The following MRPL15 variants were observed in gnomAD, a reference collection of about 807,000 sequenced individuals.
The protein encoded by MRPL15 is large ribosomal subunit protein uL15m.
MRPL15 carries 24 observed loss-of-function variants against 28.0 expected under a neutral mutation model. That is an observed-to-expected ratio of 0.86 (90% CI 0.62 to 1.21). The LOEUF (loss-of-function observed/expected upper bound fraction) is 1.21, where lower values mean the gene tolerates loss of function less well. Among genes scored for constraint, MRPL15 ranks in the 50% most tolerant of loss-of-function variants. The pLI, the probability that MRPL15 is intolerant of heterozygous loss-of-function variation, is 0.00. For missense variants in MRPL15, 343 were observed against 372.4 expected (o/e 0.92, Z 0.65); for synonymous variants, 124 against 137.0 (o/e 0.90, Z 0.66).
chr8:54,147,696 C>A lies in MRPL15; in HGVS notation c.868C>A (p.Leu290Ile), dbSNP rs1450455013. 6.2e-7 allele frequency: 1 copy of A among 1,612,818 alleles called. No individual in the cohort carries two copies. The highest frequency in any genetic ancestry group is 1.7e-5 in the Admixed American group (1 of 59,786). The change falls in exon 5 of 5, where the codon CTC becomes ATC. Residue 290 changes from leucine (L) to isoleucine (I), a missense_variant. Leu to Ile is a conservative substitution (Grantham distance 5, BLOSUM62 2). Transcript: ENST00000260102. ...AATCCTAAAACCTACAGATGAAAAT[C>A]TCCTTAAGTATTATACCTCATGAAT... is the stretch of plus-strand genomic sequence containing the variant. ...KKILKPTDEN[L>I]LKYYTS
intron 4 of MRPL15, among the ~76,000 whole-genome samples, chr8:54,146,441 T>G (rs890224537): frequency 4.8e-5 from 7 of 144,806 alleles, no homozygotes; most frequent in Non-Finnish European, 7.5e-5. Flanking sequence ...AGCGAGACTT[T>G]GTCTCAAAAA....
chr8:54,142,401 C>T (rs1810944201), intron 3 of MRPL15, among the ~76,000 whole-genome samples: 1 of 152,156 alleles, frequency 6.6e-6, no homozygotes, highest in African/African-American at 2.4e-5. Flanking sequence ...GGTGATCCAC[C>T]TACCTTGGCC....
At chr8:54,139,916 T>C (rs1249987739) in intron 3 of MRPL15, among the ~76,000 whole-genome samples, 1 of 152,184 alleles carries the variant, frequency 6.6e-6, no homozygotes, top group Non-Finnish European at 1.5e-5. Flanking sequence ...ATGGATTGCT[T>C]AAAAATCACA....
intron 3 of MRPL15, among the ~76,000 whole-genome samples, chr8:54,138,379 C>T (rs753674215): frequency 1.0e-4 from 14 of 135,160 alleles, no homozygotes; most frequent in Non-Finnish European, 1.8e-4. Context: ...TACAATGGCG[C>T]GATCTCAGCT....
rs377066222 is a variant in MRPL15 at position 54,147,414 on chromosome 8, C to T, written c.586C>T (p.Arg196Cys). The T allele has an allele frequency of 1.2e-5, 19 of 1,612,170 alleles. No homozygotes were observed. In the East Asian group the frequency reaches 1.3e-4, roughly 11 times the overall value. ...ATGCAAACCTGTTCCATTCTTTCTT[C>T]GTGGACAACCCATTCCAAAAAGAAT... ...IVCKPVPFFL[R>C]GQPIPKRMLP... The change falls in exon 5 of 5, where the codon CGT becomes TGT. Residue 196 changes from arginine to cysteine, a missense_variant. By Grantham distance (180) the Arg-to-Cys change is radical. Transcript: ENST00000260102.
intron 4 of MRPL15, among the ~76,000 whole-genome samples, chr8:54,144,244 A>C (rs1052619107): frequency 6.6e-6 from 1 of 152,240 alleles, no homozygotes; most frequent in Non-Finnish European, 1.5e-5. Flanking sequence ...TTCAAGTTGC[A>C]GAGATGACAA....
Position 54,147,583 on chromosome 8 carries a change from T to C in MRPL15, c.755T>C (p.Leu252Pro). ...YILPDITKDE[L>P]FKMLCTRKDP... ...TTACCTGATATCACTAAAGATGAAC[T>C]CTTCAAAATGCTCTGTACTAGGAAG... Residue 252 changes from leucine to proline, a missense_variant, in exon 5 of 5, where the codon CTC becomes CCC. Physicochemically the swap from Leu to Pro is moderately conservative, Grantham distance 98 (BLOSUM62 -3). Coordinates refer to ENST00000260102, the MANE Select transcript of MRPL15 (RefSeq NM_014175.4). 6.2e-7 allele frequency: 1 copy of C among 1,614,194 alleles called. No homozygotes were observed.
chr8:54,137,840 T>C (rs1810854656), intron 3 of MRPL15, among the ~76,000 whole-genome samples: 2 of 152,202 alleles, frequency 1.3e-5, no homozygotes, highest in African/African-American at 4.8e-5. Flanking sequence ...TTTATAACTG[T>C]TATGTAGTGG....
chr8:54,140,564 A>G (rs1439970969), intron 3 of MRPL15, among the ~76,000 whole-genome samples: 3 of 103,150 alleles, frequency 2.9e-5, no homozygotes, highest in Non-Finnish European at 5.7e-5. Flanking sequence ...CTAGAACTAC[A>G]TTTTCTTTTC....
rs1563715474 is a variant in MRPL15 at position 54,137,324 on chromosome 8, TG to T, written c.323del (p.Gly108ValfsTer11). ...AATAGACTGCAGTATCTTATTGATT[TG>T]GGTCGTGTTGATCCTAGTCAACCTA... Reference protein sequence around the residue: ...SLNRLQYLIDLGRVDPSQPID... With the variant: ...SLNRLQYLIDXGRVDPSQPID... On this transcript the variant is annotated frameshift_variant, in exon 3 of 5. Coordinates refer to ENST00000260102, the MANE Select transcript of MRPL15 (RefSeq NM_014175.4). LOFTEE classifies it high-confidence loss of function. 5.0e-6 allele frequency: 8 copies of T among 1,614,102 alleles called. No homozygotes were observed. Among genetic ancestry groups the T allele is most frequent in the Non-Finnish European group, 5.9e-6 (7 of 1,180,002 alleles).
At position 54,147,806 on chromosome 8, in the gene MRPL15, A is replaced by G. The variant is rs1811072173; in HGVS notation, c.*87A>G. On this transcript the variant is annotated 3_prime_UTR_variant, in exon 5 of 5. Transcript: ENST00000260102. Reference sequence around the variant, plus strand: ...TTCCCTTATTGCATTTTCCTTATGTATAATTTTCCAGATGGTGATGTTACT... The same window carrying G: ...TTCCCTTATTGCATTTTCCTTATGTGTAATTTTCCAGATGGTGATGTTACT... 9 of 1,193,260 alleles carry G rather than the reference A, an allele frequency of 7.5e-6. No homozygotes were observed. The South Asian group carries it at 1.3e-4, about 17-fold the overall frequency. The allele number at this position is 1,193,260 out of a possible 1,614,324, so 73.9% of individuals were successfully genotyped here.
intron 1 of MRPL15, 22 bp downstream of exon 1, chr8:54,135,413 G>T: frequency 6.6e-7 from 1 of 1,522,230 alleles, no homozygotes; most frequent in Non-Finnish European, 8.8e-7. Flanking sequence ...GTGGCGGTGC[G>T]GGGAAGCGCT....
chr8:54,138,655 C>G (rs1810869743), intron 3 of MRPL15, among the ~76,000 whole-genome samples: 1 of 151,984 alleles, frequency 6.6e-6, no homozygotes, highest in Admixed American at 6.6e-5. Context: ...TAAAAGAGCA[C>G]TTGCCCTGCT....
intron 3 of MRPL15, 52 bp from the exon 4 acceptor site, chr8:54,142,611 A>T (rs200827483): frequency 6.3e-7 from 1 of 1,589,878 alleles, no homozygotes; most frequent in Admixed American, 1.8e-5. Context: ...TGACATAATT[A>T]ATTTACTTTT....
At chr8:54,146,971 G>T (rs1490764886) in intron 4 of MRPL15, among the ~76,000 whole-genome samples, 1 of 152,186 alleles carries the variant, frequency 6.6e-6, no homozygotes, top group African/African-American at 2.4e-5. Flanking sequence ...GGTTGCTCAT[G>T]CCTGTAATCC....
chr8:54,140,343 C>T (rs1030711229), intron 3 of MRPL15, among the ~76,000 whole-genome samples: 36 of 152,034 alleles, frequency 2.4e-4, no homozygotes, highest in Middle Eastern at 3.4e-3. Flanking sequence ...CTGCAACCTT[C>T]ACCTCCACCT....
intron 4 of MRPL15, among the ~76,000 whole-genome samples, chr8:54,144,741 T>C (rs1811013874): frequency 6.6e-6 from 1 of 151,818 alleles, no homozygotes; most frequent in Non-Finnish European, 1.5e-5. Context: ...ATCGCGCCAC[T>C]GCACTCCAGG....
Position 54,142,756 on chromosome 8 carries a change from A to AC in MRPL15, c.524dup (p.Thr176TyrfsTer5). On this transcript the variant is annotated frameshift_variant, in exon 4 of 5. Transcript: ENST00000260102. LOFTEE classifies it high-confidence loss of function. ...CATTGAAAAAAATGGTGGTGTTGTT[A>AC]CTACAGCCTTCTATGATCCAAGAAG... is the stretch of plus-strand genomic sequence containing the variant. 1 of 1,614,174 alleles carries AC rather than the reference A, an allele frequency of 6.2e-7. No homozygotes were observed. Among genetic ancestry groups the AC allele is most frequent in the Non-Finnish European group, 8.5e-7 (1 of 1,180,034 alleles).
chr8:54,137,327 G>T lies in MRPL15; in HGVS notation c.323G>T (p.Gly108Val). 1.2e-6 allele frequency: 2 copies of T among 1,614,050 alleles called. No individual in the cohort carries two copies. Among genetic ancestry groups the T allele is most frequent in the Non-Finnish European group, 1.7e-6 (2 of 1,179,994 alleles). ...LNRLQYLIDL[G>V]RVDPSQPIDL... is the part of the protein sequence containing the mutation. ...AGACTGCAGTATCTTATTGATTTGG[G>T]TCGTGTTGATCCTAGTCAACCTATT... The change falls in exon 3 of 5, where the codon GGT becomes GTT. Residue 108 changes from glycine (G) to valine (V), a missense_variant. Transcript: ENST00000260102.
Sources: allele counts gnomAD v4.1 joint callset (sites outside exome capture counted in the v4.1 genomes callset), GRCh38; gene constraint gnomAD v4.1.1; transcripts MANE v1.5; gene names NCBI Gene and HGNC (gene_info 2026-07-23, HGNC 2026-07-21).